HPD: variants seen among roughly 807,000 people sequenced by gnomAD.
HPD encodes 4-hydroxyphenylpyruvic acid oxidase.
HPD carries 35 observed loss-of-function variants against 56.9 expected under a neutral mutation model. The ratio of observed to expected loss-of-function variants is 0.62; its 90% CI spans 0.47 to 0.82. The LOEUF (loss-of-function observed/expected upper bound fraction) is 0.82. HPD is among the 40% of genes least tolerant of loss of function. HPD has a pLI of 0.00. For synonymous variants in HPD, 186 were observed against 200.2 expected (o/e 0.93, Z 0.60); for missense variants, 442 against 506.8 (o/e 0.87, Z 1.23).
chr12:121,883,335 A>T, the HPD span, among the ~76,000 whole-genome samples: 1 of 151,632 alleles, frequency 6.6e-6, no homozygotes, highest in African/African-American at 2.4e-5. Flanking sequence ...GTAGCGTGCC[A>T]ATGTCACTCT....
At chr12:121,857,085 G>GTTTTTT in intron 4 of HPD, 1 of 505,872 alleles carries the variant, frequency 2.0e-6, no homozygotes, top group Non-Finnish European at 3.6e-6. Flanking sequence ...GTTGTTTTTT[G>GTTTTTT]TTTTTTTTTG....
Position 121,839,745 on chromosome 12 carries a change from C to G in HPD, c.1165G>C (p.Val389Leu), listed in dbSNP as rs1404803313. The G allele has an allele frequency of 1.2e-6, 2 of 1,613,072 alleles. No homozygotes were observed. Among genetic ancestry groups the G allele is most frequent in the Non-Finnish European group, 1.7e-6 (2 of 1,179,118 alleles). ...GGCGGGGCTTACATGCCGGGCACCA[C>G]CCCATTGGTCTCCATGTTGGTGAGG... is the stretch of plus-strand genomic sequence containing the variant. The part of the protein sequence containing the change: ...GNLTNMETNG[V>L]VPGM Residue 389 changes from valine to leucine, a missense_variant, in exon 14 of 14, where the codon GTG becomes CTG. By Grantham distance (32) the Val-to-Leu change is conservative. Transcript: ENST00000289004.
At chr12:121,869,884 C>T in the HPD span, among the ~76,000 whole-genome samples, 2 of 152,100 alleles carry the variant, frequency 1.3e-5, no homozygotes, top group African/African-American at 4.8e-5. Flanking sequence ...TGAAGTCCAG[C>T]GTATCTACCT....
the HPD span, among the ~76,000 whole-genome samples, chr12:121,878,105 A>T: frequency 6.6e-6 from 1 of 152,186 alleles, no homozygotes; most frequent in South Asian, 2.1e-4. Flanking sequence ...AACCAGATAG[A>T]GGTGGTGGTT....
chr12:121,857,881 G>T, intron 2 of HPD, 62 bp from the exon 3 acceptor site: 1 of 1,298,640 alleles, frequency 7.7e-7, no homozygotes, highest in Non-Finnish European at 1.1e-6. Flanking sequence ...AAGTGCGGGT[G>T]GAGTGATGTC....
At chr12:121,849,224 CTCT>C (rs1877682987) in intron 8 of HPD, 148 bp from the exon 9 acceptor site, 13 of 519,724 alleles carry the variant, frequency 2.5e-5, no homozygotes, top group Middle Eastern at 8.5e-4. Context: ...AAAAGAGAGA[CTCT>C]TTTTTTTGCC....
At chr12:121,865,570 C>G (rs1474839402), upstream of HPD, among the ~76,000 whole-genome samples, 1 of 143,432 alleles carries the variant, frequency 7.0e-6, no homozygotes, top group East Asian at 2.1e-4. Context: ...TGCCCAGCCA[C>G]GACACTCTCT....
At chr12:121,842,231 C>T (rs1435402651) in intron 12 of HPD, among the ~76,000 whole-genome samples, 2 of 151,952 alleles carry the variant, frequency 1.3e-5, no homozygotes, top group Non-Finnish European at 2.9e-5. Context: ...TCAAGTGATC[C>T]TCTCACCTCA....
chr12:121,856,134 C>G lies in HPD; in HGVS notation c.324+190G>C, dbSNP rs1877986205. On this transcript the variant is annotated intron_variant, in intron 6 of 13. Coordinates refer to ENST00000289004, the MANE Select transcript of HPD (RefSeq NM_002150.3). Reference sequence around the variant, plus strand: ...CCCGGAGCCCAGGTGTGTGTCACACCAGCATCTGGGCTTGTCACTGTGATG... The same window carrying G: ...CCCGGAGCCCAGGTGTGTGTCACACGAGCATCTGGGCTTGTCACTGTGATG... 2.4e-5 allele frequency: 16 copies of G among 667,328 alleles called. No individual in the cohort carries two copies. The East Asian group carries it at 4.4e-4, about 18-fold the overall frequency. The allele number at this position is 667,328 out of a possible 1,614,324, so 41.3% of individuals were successfully genotyped here. A position where few individuals can be genotyped will look rare whatever the true frequency, so the allele number is the denominator to read the frequency against.
At chr12:121,884,202 G>C in the HPD span, among the ~76,000 whole-genome samples, 1 of 134,178 alleles carries the variant, frequency 7.5e-6, no homozygotes, top group Non-Finnish European at 1.5e-5. Context: ...ACGGAGTTTC[G>C]CTCTGTCGCC....
At chr12:121,857,640 C>T (rs556471653) in intron 3 of HPD, 117 bp downstream of exon 3, 23 of 955,668 alleles carry the variant, frequency 2.4e-5, no homozygotes, top group Non-Finnish European at 2.9e-5. Flanking sequence ...TCTGGCCCAC[C>T]CCTGGCCTGA....
At position 121,851,821 on chromosome 12, in the gene HPD, T is replaced by C. The variant is rs1423490944; in HGVS notation, c.415-2031A>G. 8.7e-3 allele frequency among the ~76,000 whole-genome samples: 255 copies of C among 29,462 alleles called. 69 individuals are homozygous for C. Among genetic ancestry groups the C allele is most frequent in the Middle Eastern group, 0.042 (2 of 48 alleles). 19.3% of individuals were successfully genotyped at this position (29,462 alleles called of 152,430 possible). A position where few individuals can be genotyped will look rare whatever the true frequency, so the allele number is the denominator to read the frequency against. On this transcript the variant is annotated intron_variant, in intron 7 of 13. Transcript: ENST00000289004. ...GCCTCCCGGGTTCACGCCATTCTCCTGCCTCAGCCTCCCGAGTAGCTGGGA... is the reference window on the plus strand; with the variant it reads ...GCCTCCCGGGTTCACGCCATTCTCCCGCCTCAGCCTCCCGAGTAGCTGGGA...
At position 121,851,699 on chromosome 12, in the gene HPD, ATTT is replaced by A. The variant is rs1284294966; in HGVS notation, c.415-1912_415-1910del. Among the ~76,000 whole-genome samples the A allele has an allele frequency of 6.0e-3, 74 of 12,344 alleles. 3 individuals carry two copies. The highest frequency in any genetic ancestry group is 0.015 in the African/African-American group (63 of 4,160). 8.1% of individuals were successfully genotyped at this position (12,344 alleles called of 152,430 possible). A position where few individuals can be genotyped will look rare whatever the true frequency, so the allele number is the denominator to read the frequency against. On this transcript the variant is annotated intron_variant, in intron 7 of 13. Transcript: ENST00000289004. ...TTTTTATTCATTTATTTATTTATTT[ATTT>A]TTTTTTTTTTTTTTTTTTTTTTTTT... is the stretch of plus-strand genomic sequence containing the variant.
chr12:121,853,049 G>A (rs546090181), intron 7 of HPD, among the ~76,000 whole-genome samples: 34 of 152,204 alleles, frequency 2.2e-4, no homozygotes, highest in African/African-American at 7.5e-4. Context: ...GCTGGAAGCC[G>A]TTATCCTCAG....
intron 7 of HPD, among the ~76,000 whole-genome samples, chr12:121,854,247 C>G (rs1877912644): frequency 6.6e-6 from 1 of 152,182 alleles, no homozygotes; most frequent in African/African-American, 2.4e-5. Flanking sequence ...CAGAGCGAGA[C>G]TCCATCTTTA....
the HPD span, among the ~76,000 whole-genome samples, chr12:121,874,555 T>G: frequency 6.7e-6 from 1 of 148,740 alleles, no homozygotes; most frequent in African/African-American, 2.5e-5. Flanking sequence ...GAGGCAGAGG[T>G]TGCAGTGAGC....
Position 121,854,683 on chromosome 12 carries a change from G to C in HPD, c.414+20C>G. 1.9e-6 allele frequency: 3 copies of C among 1,565,112 alleles called. No individual in the cohort carries two copies. The highest frequency in any genetic ancestry group is 2.6e-6 in the Non-Finnish European group (3 of 1,135,364). On this transcript the variant is annotated intron_variant, in intron 7 of 13. Coordinates refer to ENST00000289004, the MANE Select transcript of HPD (RefSeq NM_002150.3). The stretch of plus-strand genomic sequence containing the variant: ...GTGGTGCCGACAGCAGGAGGGGTGG[G>C]GGCACCAAAGGGAACTCACCGTCTG...
chr12:121,884,368 G>C, the HPD span, among the ~76,000 whole-genome samples: 2 of 151,986 alleles, frequency 1.3e-5, no homozygotes, highest in African/African-American at 4.8e-5. Flanking sequence ...TTACTATGTT[G>C]GCCAGGCTGG....
chr12:121,882,211 C>CGTTT, the HPD span, among the ~76,000 whole-genome samples: 290 of 152,072 alleles, frequency 1.9e-3, 1 homozygote, highest in African/African-American at 6.6e-3. Context: ...GAGGATTTGT[C>CGTTT]GTTTGTAGGA....
Sources: allele counts gnomAD v4.1 joint callset (sites outside exome capture counted in the v4.1 genomes callset), GRCh38; gene constraint gnomAD v4.1.1; transcripts MANE v1.5; gene names NCBI Gene and HGNC (gene_info 2026-07-23, HGNC 2026-07-21).